Variants in PXDN observed in about 807,000 individuals in gnomAD.
PXDN encodes peroxidasin.
PXDN carries 77 observed loss-of-function variants against 140.3 expected under a neutral mutation model. The observed-to-expected ratio is 0.55, with a 90% CI of 0.46 to 0.66. The LOEUF (loss-of-function observed/expected upper bound fraction) is 0.66, where lower values mean the gene tolerates loss of function less well. PXDN is among the 30% of genes least tolerant of loss of function. The probability of loss-of-function intolerance (pLI) is 0.00; values close to 1 mark genes in which losing one functional copy is unlikely to be tolerated. For synonymous variants in PXDN, 911 were observed against 857.4 expected, an observed-to-expected ratio of 1.06 and a Z score of -1.09; for missense variants, 1,838 against 2,039.5, an observed-to-expected ratio of 0.90 and a Z score of 1.90.
At position 1,744,431 on chromosome 2, in the gene PXDN, C is replaced by T. The variant is rs2125501010; in HGVS notation, c.25G>A (p.Gly9Arg). ...ACGAGCGCCAACAGGCAGCGGCGCC[C>T]GGGGCCCCTGGAGCGCTTGGCCATG... MAKRSRGP[G>R]RRCLLALVLF... The change falls in exon 1 of 23, where the codon GGG (glycine) becomes AGG (arginine). Residue 9 changes from glycine (G) to arginine (R), a missense_variant. Physicochemically the swap from Gly to Arg is moderately radical, Grantham distance 125 (BLOSUM62 -2). Around this residue, in one of 5 missense-constraint regions of PXDN, gnomAD observed 231 missense variants for 201.5 expected, o/e 1.15. Transcript: ENST00000252804. 4.7e-6 allele frequency: 7 copies of T among 1,505,278 alleles called. No individual in the cohort carries two copies. The highest frequency in any genetic ancestry group is 2.9e-5 in the African/African-American group (2 of 69,172). 93.2% of individuals were successfully genotyped at this position (1,505,278 alleles called of 1,614,324 possible).
chr2:1,687,521 G>A lies in PXDN; in HGVS notation c.416+111C>T, dbSNP rs1223116330. On this transcript the variant is annotated intron_variant, in intron 4 of 22. Transcript: ENST00000252804. The surrounding 1 kb of genome is among the most constrained non-coding windows in gnomAD (Gnocchi z 4.0). ...CATGCACGTACTCCCCGCACCTCAG[G>A]TAGCATAGTCATGCATCATGCAAAC... 1.3e-6 allele frequency: 1 copy of A among 751,890 alleles called. No homozygotes were observed. The highest frequency in any genetic ancestry group is 2.0e-6 in the Non-Finnish European group (1 of 503,080). The allele number at this position is 751,890 out of a possible 1,614,324, so 46.6% of individuals were successfully genotyped here.
At chr2:1,656,939 TGTCCCCTCCTGC>T (rs1683152940) in intron 14 of PXDN, among the ~76,000 whole-genome samples, 1 of 144,578 alleles carries the variant, frequency 6.9e-6, no homozygotes, top group African/African-American at 2.6e-5. Context: ...GACAGAAACC[TGTCCCCTCCTGC>T]CTCAGACCTG....
At chr2:1,694,628 T>C (rs747142403) in intron 1 of PXDN, among the ~76,000 whole-genome samples, 3 of 152,326 alleles carry the variant, frequency 2.0e-5, no homozygotes, top group Middle Eastern at 3.4e-3. Context: ...ACCCTCCCCC[T>C]GCACCGCCAT....
In PXDN at chr2:1,729,710, A is replaced by G. The variant is rs536754926; in HGVS notation, c.200+14546T>C. 8.5e-5 allele frequency among the ~76,000 whole-genome samples: 13 copies of G among 152,246 alleles called. No homozygotes were observed. In the South Asian group the frequency reaches 2.1e-3, roughly 24 times the overall value. ...ACCTGTTCCCCAAAAATCTACTGAA[A>G]TTTTTTTTAAAAAAAGATTTCTCTA... On this transcript the variant is annotated intron_variant, in intron 1 of 22. Coordinates refer to ENST00000252804, the MANE Select transcript of PXDN (RefSeq NM_012293.3).
Position 1,634,218 on chromosome 2 carries a change from C to T in PXDN, c.4426G>A (p.Glu1476Lys), listed in dbSNP as rs1043315994. 1.3e-6 allele frequency: 2 copies of T among 1,590,186 alleles called. No homozygotes were observed. The highest frequency in any genetic ancestry group is 2.7e-5 in the African/African-American group (2 of 74,520). The change falls in exon 23 of 23, where the codon GAG becomes AAG. Residue 1476 changes from glutamate (E) to lysine (K), a missense_variant. Physicochemically the swap from Glu to Lys is moderately conservative, Grantham distance 56. Transcript: ENST00000252804. ...CCPVCLQKRA[E>K]EKP is the part of the protein sequence containing the mutation. ...CTCCCAGGAGCCTAGGGCTTTTCCT[C>T]CGCCCTCTTCTGTAAGCAGACTGGA...
chr2:1,743,737 C>T (rs1286449279), intron 1 of PXDN, among the ~76,000 whole-genome samples: 1 of 55,898 alleles, frequency 1.8e-5, no homozygotes, highest in Non-Finnish European at 3.7e-5. Flanking sequence ...GGAAGAGGAG[C>T]GGAGGAGGGG....
Position 1,644,645 on chromosome 2 carries a change from T to G in PXDN, c.3716A>C (p.Gln1239Pro). 1 of 1,607,914 alleles carries G rather than the reference T, an allele frequency of 6.2e-7. No individual in the cohort carries two copies. The highest frequency in any genetic ancestry group is 8.5e-7 in the Non-Finnish European group (1 of 1,176,036). The change falls in exon 18 of 23, where the codon CAG becomes CCG. Residue 1239 changes from glutamine to proline, a missense_variant. Transcript: ENST00000252804. ...GPTLMCLLST[Q>P]FKRLRDGDRL... ...GTCCCCATCTCGCAGGCGCTTGAAC[T>G]GTGTGCTGAGAAGACACATCAGGGT...
intron 14 of PXDN, among the ~76,000 whole-genome samples, chr2:1,659,917 C>T (rs932515298): frequency 6.6e-6 from 1 of 152,132 alleles, no homozygotes; most frequent in African/African-American, 2.4e-5. Flanking sequence ...ATGGAGAAGG[C>T]GGATCAGTCA....
At chr2:1,701,805 G>A (rs1684440549) in intron 1 of PXDN, among the ~76,000 whole-genome samples, 1 of 152,104 alleles carries the variant, frequency 6.6e-6, no homozygotes, top group African/African-American at 2.4e-5. Flanking sequence ...TGGCGGTGGT[G>A]CCCCCAGGGT....
intron 1 of PXDN, among the ~76,000 whole-genome samples, chr2:1,740,679 C>T (rs1056113982): frequency 1.3e-5 from 2 of 152,120 alleles, no homozygotes; most frequent in African/African-American, 2.4e-5. Flanking sequence ...GTCATCTTAC[C>T]ACTCCCAGGA....
intron 1 of PXDN, among the ~76,000 whole-genome samples, chr2:1,727,981 G>C (rs1424515455): frequency 6.6e-6 from 1 of 152,146 alleles, no homozygotes; most frequent in Non-Finnish European, 1.5e-5. Flanking sequence ...TATTGCCCAG[G>C]CTTGAGTGCA....
At chr2:1,666,130 C>G (rs1004069939) in intron 10 of PXDN, 84 bp downstream of exon 10, 3 of 1,521,016 alleles carry the variant, frequency 2.0e-6, no homozygotes, top group Non-Finnish European at 2.7e-6. Flanking sequence ...TTCTATGGAG[C>G]GTCTGTGGGT....
rs1682768189 is a variant in PXDN, at chr2:1,643,234, T to G, written c.3952+134A>C. ...CCATCTCAGCATGGATACAGCACGA[T>G]TTAAATCTAAAGCTGAATATTTTGT... On this transcript the variant is annotated intron_variant, in intron 19 of 22. Coordinates refer to ENST00000252804, the MANE Select transcript of PXDN (RefSeq NM_012293.3). The G allele has an allele frequency of 1.7e-5, 17 of 977,244 alleles. No homozygotes were observed. In the South Asian group the frequency reaches 2.2e-4, roughly 12 times the overall value. The allele number at this position is 977,244 out of a possible 1,614,324, so 60.5% of individuals were successfully genotyped here. A position where few individuals can be genotyped will look rare whatever the true frequency, so the allele number is the denominator to read the frequency against.
chr2:1,661,365 G>C (rs1683300150), intron 13 of PXDN, among the ~76,000 whole-genome samples: 1 of 152,172 alleles, frequency 6.6e-6, no homozygotes, highest in Non-Finnish European at 1.5e-5. Flanking sequence ...GCCCTACAAA[G>C]AGACCTAGGA....
Position 1,648,234 on chromosome 2 carries a change from T to C in PXDN, c.3546A>G (p.Ala1182=). Residue 1182 remains alanine, a synonymous_variant, in exon 17 of 23, where the codon GCA becomes GCG. Transcript: ENST00000252804. The surrounding 1 kb of genome is among the most constrained non-coding windows in gnomAD (Gnocchi z 8.9). The part of the protein sequence containing the change: ...DYRVYCNLSA[A]HTFEDLKNEI... ...CATTTTTCAGGTCCTCGAACGTGTG[T>C]GCCGCCGATAGATTGCAGTAGACCC... is the stretch of plus-strand genomic sequence containing the variant. 2.5e-6 allele frequency: 4 copies of C among 1,613,958 alleles called. No individual in the cohort carries two copies. Among genetic ancestry groups the C allele is most frequent in the Non-Finnish European group, 3.4e-6 (4 of 1,179,864 alleles).
chr2:1,688,700 C>T (rs544406252), intron 3 of PXDN, among the ~76,000 whole-genome samples: 1 of 152,282 alleles, frequency 6.6e-6, no homozygotes, highest in East Asian at 1.9e-4. Context: ...CTGACATAGG[C>T]AGATGGGCAA....
At position 1,659,168 on chromosome 2, in the gene PXDN, G is replaced by A. The variant is rs75984385; in HGVS notation, c.1837+1713C>T. On this transcript the variant is annotated intron_variant, in intron 14 of 22. Coordinates refer to ENST00000252804, the MANE Select transcript of PXDN (RefSeq NM_012293.3). Reference sequence around the variant, plus strand: ...TCTTCTTACAACATGTGCTCACACCGGACTATGGATGGACATCTCCAGCCT... The same window carrying A: ...TCTTCTTACAACATGTGCTCACACCAGACTATGGATGGACATCTCCAGCCT... Among the ~76,000 whole-genome samples, 14 of 152,200 alleles carry A rather than the reference G, an allele frequency of 9.2e-5. No homozygotes were observed. The East Asian group carries it at 1.2e-3, about 13-fold the overall frequency.
At chr2:1,663,508 A>G in intron 12 of PXDN, 97 bp downstream of exon 12, 1 of 1,502,686 alleles carries the variant, frequency 6.7e-7, no homozygotes, top group South Asian at 1.2e-5. Context: ...CCAACGCTTT[A>G]TAACGAAGAG....
At chr2:1,721,212 G>A (rs971548648) in intron 1 of PXDN, among the ~76,000 whole-genome samples, 5 of 152,200 alleles carry the variant, frequency 3.3e-5, no homozygotes, top group African/African-American at 9.7e-5. Context: ...GGCAGGCAGC[G>A]TGGCTGAGGA....
Sources: gnomAD v4.1 joint callset for allele counts (sites outside exome capture counted in the v4.1 genomes callset) on GRCh38, gnomAD v4.1.1 for gene constraint, gnomAD v4.1.1 regional missense constraint, Gnocchi (gnomAD v3.1) non-coding constraint, MANE v1.5 for transcripts, NCBI Gene and HGNC (gene_info 2026-07-23, HGNC 2026-07-21) for gene names.